Variants in MILR1 observed in about 807,000 individuals in gnomAD.
The protein encoded by MILR1 is mast cell immunoglobulin like receptor 1.
In MILR1, 31 loss-of-function variants were observed where a neutral mutation model predicts 18.5. The observed-to-expected ratio is 1.68, with a 90% confidence interval of 1.26 to 2.26. The LOEUF (loss-of-function observed/expected upper bound fraction) is 2.26. Among genes scored for constraint, MILR1 ranks in the 30% most tolerant of loss-of-function variants. MILR1 has a pLI of 0.00. For synonymous variants in MILR1, 85 were observed against 56.2 expected (o/e 1.51, Z -2.30); for missense variants, 257 against 157.4 (o/e 1.63, Z -3.38).
At chr17:64,493,490 T>G in the MILR1 span, among the ~76,000 whole-genome samples, 5 of 152,060 alleles carry the variant, frequency 3.3e-5, no homozygotes, top group African/African-American at 1.2e-4. Flanking sequence ...TTTGAAGATT[T>G]TCTTTTTTTT....
the MILR1 span, among the ~76,000 whole-genome samples, chr17:64,481,995 G>C: frequency 2.0e-5 from 3 of 151,756 alleles, no homozygotes; most frequent in East Asian, 5.8e-4. Flanking sequence ...CTATGAATGG[G>C]CATGAACAGC....
At chr17:64,465,032 G>A (rs2037520549) in intron 5 of MILR1, among the ~76,000 whole-genome samples, 1 of 152,154 alleles carries the variant, frequency 6.6e-6, no homozygotes, top group Non-Finnish European at 1.5e-5. Context: ...AGGTTGCGGT[G>A]AGCCGAGATC....
chr17:64,494,819 A>G, the MILR1 span, among the ~76,000 whole-genome samples: 3,573 of 152,220 alleles, frequency 0.023, 92 homozygotes, highest in Non-Finnish European at 0.033. Context: ...CTCACCTTGT[A>G]CTTTCCCTAA....
chr17:64,450,911 C>T (rs1051555812), intron 2 of MILR1, among the ~76,000 whole-genome samples: 1 of 152,154 alleles, frequency 6.6e-6, no homozygotes, highest in African/African-American at 2.4e-5. Context: ...TTGTACACAA[C>T]GTCCTTTGTG....
chr17:64,464,982 G>A (rs1053019775), intron 5 of MILR1, among the ~76,000 whole-genome samples: 2 of 152,118 alleles, frequency 1.3e-5, no homozygotes, highest in Non-Finnish European at 2.9e-5. Flanking sequence ...CAGCTACTCG[G>A]GAGGCTGAGG....
At chr17:64,469,219 C>G (rs1413598348), downstream of MILR1, among the ~76,000 whole-genome samples, 1 of 152,088 alleles carries the variant, frequency 6.6e-6, no homozygotes, top group African/African-American at 2.4e-5. Context: ...TATCCAAAAT[C>G]CTATCATTTT....
chr17:64,479,528 AAC>A, the MILR1 span, among the ~76,000 whole-genome samples: 5 of 152,246 alleles, frequency 3.3e-5, no homozygotes, highest in East Asian at 9.6e-4. Flanking sequence ...TGAAGATCAA[AAC>A]ACAATGGTTC....
the MILR1 span, among the ~76,000 whole-genome samples, chr17:64,478,894 TA>T: frequency 1.1e-4 from 16 of 151,274 alleles, no homozygotes; most frequent in South Asian, 4.2e-4. Flanking sequence ...GACTCTGTCT[TA>T]AAAAAAAAGA....
intron 5 of MILR1, among the ~76,000 whole-genome samples, chr17:64,465,063 C>T (rs1289274246): frequency 2.0e-5 from 3 of 152,184 alleles, no homozygotes; most frequent in Non-Finnish European, 2.9e-5. Context: ...CACTGCACTC[C>T]AGCCCAGGCG....
At chr17:64,473,553 C>T (rs1201893317), downstream of MILR1, among the ~76,000 whole-genome samples, 2 of 152,026 alleles carry the variant, frequency 1.3e-5, no homozygotes, top group African/African-American at 4.8e-5. Flanking sequence ...CCACCAGAGA[C>T]AGTAACTGAG....
chr17:64,466,733 A>T (rs2037572045), intron 8 of MILR1, 71 bp downstream of exon 8: 1 of 1,310,650 alleles, frequency 7.6e-7, no homozygotes, highest in Non-Finnish European at 1.1e-6. Flanking sequence ...CATTATATTC[A>T]GGGGCTTCAG....
At chr17:64,449,790 A>T (rs941872624) in intron 2 of MILR1, among the ~76,000 whole-genome samples, 12 of 152,094 alleles carry the variant, frequency 7.9e-5, no homozygotes, top group Non-Finnish European at 1.3e-4. Flanking sequence ...AAAACAAAAT[A>T]AAAAAACCCA....
chr17:64,486,347 TCAGAAAGG>T, the MILR1 span, among the ~76,000 whole-genome samples: 37 of 147,178 alleles, frequency 2.5e-4, no homozygotes, highest in South Asian at 6.3e-4. Context: ...GAGTTAGTAT[TCAGAAAGG>T]TAACACTTTT....
downstream of MILR1, among the ~76,000 whole-genome samples, chr17:64,470,955 A>G (rs2037679320): frequency 6.6e-6 from 1 of 152,262 alleles, no homozygotes; most frequent in Admixed American, 6.5e-5. Context: ...ACCTCATTCC[A>G]CATGGCAGGG....
chr17:64,454,984 G>C (rs1475081748), intron 3 of MILR1, among the ~76,000 whole-genome samples: 1 of 152,046 alleles, frequency 6.6e-6, no homozygotes, highest in Non-Finnish European at 1.5e-5. Flanking sequence ...CTGGGTGACA[G>C]AGAGAGACCC....
chr17:64,492,731 G>A, the MILR1 span: 1 of 1,613,286 alleles, frequency 6.2e-7, no homozygotes, highest in Non-Finnish European at 8.5e-7. Context: ...AGTTCTCGGA[G>A]GAGTAAACCA....
In MILR1 at chr17:64,457,425, C is replaced by T. The variant is rs911836529; in HGVS notation, c.393C>T (p.Asn131=). 16 of 475,246 alleles carry T rather than the reference C, an allele frequency of 3.4e-5. No homozygotes were observed. Among genetic ancestry groups the T allele is most frequent in the Non-Finnish European group, 6.2e-5 (16 of 259,054 alleles). 29.4% of individuals were successfully genotyped at this position (475,246 alleles called of 1,614,324 possible). Residue 131 remains asparagine (N), a synonymous_variant, in exon 4 of 10, where the codon AAC becomes AAT. Coordinates refer to ENST00000619286, the MANE Select transcript of MILR1 (RefSeq NM_001085423.2). The part of the protein sequence containing the change: ...IVDPVTSPVL[N]IMVIQTETDR... ...ACCCGGTGACTTCCCCAGTGCTGAA[C>T]ATTATGGTCATTCAAACAGAAACAG... is the stretch of plus-strand genomic sequence containing the variant.
chr17:64,483,040 GA>G, the MILR1 span: 1 of 980,844 alleles, frequency 1.0e-6, no homozygotes, highest in Non-Finnish European at 1.6e-6. Flanking sequence ...CAGGAAAGGG[GA>G]AAAAGCATAG....
the MILR1 span, among the ~76,000 whole-genome samples, chr17:64,491,940 A>C: frequency 4.8e-5 from 7 of 146,832 alleles, no homozygotes; most frequent in Admixed American, 3.4e-4. Flanking sequence ...AAAAAAAAAC[A>C]AAAAAAAAAC....
Sources: gnomAD v4.1 joint callset for allele counts (sites outside exome capture counted in the v4.1 genomes callset) on GRCh38, gnomAD v4.1.1 for gene constraint, MANE v1.5 for transcripts, NCBI Gene and HGNC (gene_info 2026-07-23, HGNC 2026-07-21) for gene names.